Variants in NCOA3 observed in about 807,000 individuals in gnomAD.
NCOA3 encodes the protein CBP-interacting protein.
Under a neutral mutation model 158.8 loss-of-function variants are expected in NCOA3, and 51 were observed. The observed-to-expected ratio is 0.32, with a 90% confidence interval of 0.26 to 0.41. The LOEUF (loss-of-function observed/expected upper bound fraction) is 0.41, where lower values mean the gene tolerates loss of function less well. Among genes scored for constraint, NCOA3 ranks in the 10% least tolerant of loss-of-function variants. The pLI is 1.00. For missense variants in NCOA3, 1,510 were observed against 1,746.6 expected (o/e 0.86, Z 2.41); for synonymous variants, 537 against 592.4 (o/e 0.91, Z 1.36).
intron 1 of NCOA3, among the ~76,000 whole-genome samples, chr20:47,508,843 G>A (rs1408363935): frequency 1.3e-5 from 2 of 152,182 alleles, no homozygotes; most frequent in Non-Finnish European, 2.9e-5. Context: ...ACCTAGGGCA[G>A]AGTTCAGAAT....
intron 1 of NCOA3, among the ~76,000 whole-genome samples, chr20:47,563,087 T>C (rs1489689101): frequency 6.6e-6 from 1 of 152,220 alleles, no homozygotes; most frequent in East Asian, 1.9e-4. Context: ...ACAAGCTTTG[T>C]CTACATTTCT....
At chr20:47,549,062 A>G (rs1271077323) in intron 1 of NCOA3, among the ~76,000 whole-genome samples, 1 of 152,082 alleles carries the variant, frequency 6.6e-6, no homozygotes, top group South Asian at 2.1e-4. Flanking sequence ...TTTTTTGTAG[A>G]GATGGGGGTC....
At chr20:47,504,568 G>A (rs1183828154) in intron 1 of NCOA3, among the ~76,000 whole-genome samples, 3 of 147,560 alleles carry the variant, frequency 2.0e-5, no homozygotes, top group Non-Finnish European at 4.5e-5. Context: ...ACTTTGGGAA[G>A]CCAAGGCTGG....
intron 2 of NCOA3, among the ~76,000 whole-genome samples, chr20:47,621,594 A>G (rs1237357166): frequency 6.6e-6 from 1 of 151,672 alleles, no homozygotes; most frequent in Non-Finnish European, 1.5e-5. Context: ...GAAGTACTCT[A>G]CATTTATCTT....
chr20:47,582,415 G>A (rs1415301026), intron 1 of NCOA3, among the ~76,000 whole-genome samples: 4 of 152,176 alleles, frequency 2.6e-5, no homozygotes, highest in African/African-American at 4.8e-5. Context: ...GTTTCACCAT[G>A]TTGACCAGGC....
At chr20:47,521,619 T>C (rs1027580190) in intron 1 of NCOA3, among the ~76,000 whole-genome samples, 4 of 151,918 alleles carry the variant, frequency 2.6e-5, no homozygotes, top group African/African-American at 2.4e-5. Context: ...TGAGTCAAGA[T>C]GAACAATGAG....
intron 2 of NCOA3, among the ~76,000 whole-genome samples, chr20:47,594,788 ATTT>A (rs768342979): frequency 9.8e-6 from 1 of 102,416 alleles, no homozygotes; most frequent in Non-Finnish European, 1.8e-5. Context: ...AGAATACCTG[ATTT>A]TTTTTTTTTT....
At chr20:47,583,159 C>G (rs1393676958) in intron 1 of NCOA3, 24 bp from the exon 2 acceptor site, 1 of 398,458 alleles carries the variant, frequency 2.5e-6, no homozygotes, top group Non-Finnish European at 4.4e-6. Context: ...AAAATTCAAT[C>G]CCTCCTCTTC....
At position 47,511,550 on chromosome 20, in the gene NCOA3, T is replaced by TATACAC. The variant is rs1556556372; in HGVS notation, c.-99+9534_-99+9535insCACATA. On this transcript the variant is annotated intron_variant, in intron 1 of 22. Coordinates refer to ENST00000371998, the MANE Select transcript of NCOA3 (RefSeq NM_181659.3). ...ATATATATATATATATATATATATA[T>TATACAC]ATATATTTCTTTTTTTTTTTGAGAC... Among the ~76,000 whole-genome samples the TATACAC allele has an allele frequency of 5.2e-3, 271 of 52,272 alleles. 34 individuals are homozygous for TATACAC. The highest frequency in any genetic ancestry group is 0.021 in the Middle Eastern group (2 of 96). The allele number at this position is 52,272 out of a possible 152,430, so 34.3% of individuals were successfully genotyped here.
chr20:47,636,122 C>T lies in NCOA3; in HGVS notation c.1736C>T (p.Pro579Leu). 6.2e-7 allele frequency: 1 copy of T among 1,614,122 alleles called. No individual in the cohort carries two copies. Among genetic ancestry groups the T allele is most frequent in the Non-Finnish European group, 8.5e-7 (1 of 1,180,022 alleles). The part of the protein sequence containing the change: ...SPLGFYCDQN[P>L]VESSMCQSNS... ...CTGGGCTTTTATTGCGACCAAAATCCAGTGGAGAGTTCAATGTGTCAGTCA... is the reference window on the plus strand; with the variant it reads ...CTGGGCTTTTATTGCGACCAAAATCTAGTGGAGAGTTCAATGTGTCAGTCA... Residue 579 changes from proline to leucine, a missense_variant, in exon 12 of 23, where the codon CCA (proline) becomes CTA (leucine). Physicochemically the swap from Pro to Leu is moderately conservative, Grantham distance 98 (BLOSUM62 -3). This residue lies in a region of NCOA3 where 1,017 missense variants were observed against 1,098.3 expected (regional missense o/e 0.93). Transcript: ENST00000371998.
intron 2 of NCOA3, among the ~76,000 whole-genome samples, chr20:47,611,833 G>A (rs2086049437): frequency 6.6e-6 from 1 of 151,190 alleles, no homozygotes; most frequent in Non-Finnish European, 1.5e-5. Flanking sequence ...CACTCCTTCT[G>A]CCCCTCCAGA....
At position 47,605,763 on chromosome 20, in the gene NCOA3, G is replaced by A. The variant is rs950235164; in HGVS notation, c.-19-16466G>A. 3.9e-5 allele frequency among the ~76,000 whole-genome samples: 6 copies of A among 152,174 alleles called. No individual in the cohort carries two copies. The Middle Eastern group carries it at 0.01, about 259-fold the overall frequency. ...ACAAATATATTTGTCATGTTTGAGC[G>A]TAACTGTGTCTTTTGAAGTTAATAC... On this transcript the variant is annotated intron_variant, in intron 2 of 22. Coordinates refer to ENST00000371998, the MANE Select transcript of NCOA3 (RefSeq NM_181659.3).
intron 1 of NCOA3, among the ~76,000 whole-genome samples, chr20:47,542,009 GTT>G (rs755173294): frequency 1.8e-5 from 1 of 56,318 alleles, no homozygotes; most frequent in African/African-American, 7.4e-5. Context: ...GCCCTGTAGA[GTT>G]TTTTTTTTTT....
intron 1 of NCOA3, among the ~76,000 whole-genome samples, chr20:47,548,851 G>C (rs2084880810): frequency 6.6e-6 from 1 of 152,168 alleles, no homozygotes; most frequent in Non-Finnish European, 1.5e-5. Flanking sequence ...AATAATATCT[G>C]TGAGGTCTTC....
chr20:47,568,398 G>C (rs2085233398), intron 1 of NCOA3, among the ~76,000 whole-genome samples: 1 of 152,138 alleles, frequency 6.6e-6, no homozygotes, highest in Non-Finnish European at 1.5e-5. Flanking sequence ...GATAAAATGA[G>C]TCACTAATTT....
rs72645266 is a variant in NCOA3 at position 47,633,996 on chromosome 20, A to G, written c.965-52A>G. ...ATTTCCTCCCTGTCCCCTCCTATAT[A>G]TATTTGTTTTGCTGACTGTAGTTAC... On this transcript the variant is annotated intron_variant, in intron 9 of 22. Transcript: ENST00000371998. The G allele has an allele frequency of 4.8e-4, 776 of 1,601,758 alleles. 1 individual carries two copies. In the African/African-American group the frequency reaches 9.3e-3, roughly 19 times the overall value.
chr20:47,550,276 C>G (rs1400518771), intron 1 of NCOA3, among the ~76,000 whole-genome samples: 2 of 151,598 alleles, frequency 1.3e-5, no homozygotes, highest in Non-Finnish European at 2.9e-5. Context: ...GAAACCCCAT[C>G]TCTACTAAAA....
intron 1 of NCOA3, among the ~76,000 whole-genome samples, chr20:47,556,960 C>G (rs1246320546): frequency 2.0e-5 from 3 of 152,152 alleles, no homozygotes; most frequent in African/African-American, 7.2e-5. Flanking sequence ...ACTTACTCTG[C>G]CATTGCCATC....
chr20:47,553,670 T>C lies in NCOA3; in HGVS notation c.-98-29513T>C, dbSNP rs1211426117. On this transcript the variant is annotated intron_variant, in intron 1 of 22. Coordinates refer to ENST00000371998, the MANE Select transcript of NCOA3 (RefSeq NM_181659.3). Reference sequence around the variant, plus strand: ...GGTGTTTGGTTTTTTGTCCTTGCGATAGTTTGTTGAGAATGATGGTTTCCA... The same window carrying C: ...GGTGTTTGGTTTTTTGTCCTTGCGACAGTTTGTTGAGAATGATGGTTTCCA... Among the ~76,000 whole-genome samples, 5 of 151,680 alleles carry C rather than the reference T, an allele frequency of 3.3e-5. No homozygotes were observed. The East Asian group carries it at 7.8e-4, about 24-fold the overall frequency.
Sources: gnomAD v4.1 joint callset for allele counts (sites outside exome capture counted in the v4.1 genomes callset) on GRCh38, gnomAD v4.1.1 for gene constraint, gnomAD v4.1.1 regional missense constraint, MANE v1.5 for transcripts, NCBI Gene and HGNC (gene_info 2026-07-23, HGNC 2026-07-21) for gene names.